Variants in CHCHD6 observed in about 807,000 individuals in gnomAD.
CHCHD6 encodes the protein coiled-coil-helix-coiled-coil-helix domain containing 6, also known as MICOS complex subunit MIC25.
A neutral mutation model predicts 32.3 loss-of-function variants in CHCHD6; 28 were observed. The observed-to-expected ratio is 0.87, with a 90% CI of 0.64 to 1.19. The LOEUF (loss-of-function observed/expected upper bound fraction) is 1.19, where lower values mean the gene tolerates loss of function less well. Among genes scored for constraint, CHCHD6 ranks in the 50% most tolerant of loss-of-function variants. The pLI is 0.00. For synonymous variants in CHCHD6, 122 were observed against 117.5 expected (o/e 1.04, Z -0.25); for missense variants, 333 against 307.0 (o/e 1.08, Z -0.63).
intron 4 of CHCHD6, among the ~76,000 whole-genome samples, chr3:126,753,461 A>C (rs902981556): frequency 1.3e-5 from 2 of 152,218 alleles, no homozygotes; most frequent in African/African-American, 2.4e-5. Context: ...GCCCGCCTGC[A>C]TGCCTGCCAT....
chr3:126,846,400 T>C (rs1941297623), intron 4 of CHCHD6, among the ~76,000 whole-genome samples: 1 of 152,212 alleles, frequency 6.6e-6, no homozygotes, highest in Non-Finnish European at 1.5e-5. Flanking sequence ...GAGGTGGCCA[T>C]AGGAGGCTTT....
intron 4 of CHCHD6, among the ~76,000 whole-genome samples, chr3:126,785,677 A>C (rs1277621800): frequency 6.6e-6 from 1 of 152,250 alleles, no homozygotes; most frequent in Non-Finnish European, 1.5e-5. Context: ...ACCATGTTTT[A>C]CAGCCGTATC....
At chr3:126,897,381 G>T (rs1305799214) in intron 5 of CHCHD6, among the ~76,000 whole-genome samples, 1 of 152,188 alleles carries the variant, frequency 6.6e-6, no homozygotes, top group Non-Finnish European at 1.5e-5. Context: ...TGATGCTGTG[G>T]GTTAATGTGC....
intron 4 of CHCHD6, among the ~76,000 whole-genome samples, chr3:126,747,658 A>G (rs1459867635): frequency 5.3e-5 from 8 of 152,148 alleles, no homozygotes; most frequent in Admixed American, 5.2e-4. Flanking sequence ...CTTGGATTTC[A>G]TCATGACTCA....
At chr3:126,761,061 G>A (rs899769662) in intron 4 of CHCHD6, among the ~76,000 whole-genome samples, 8 of 152,128 alleles carry the variant, frequency 5.3e-5, no homozygotes, top group African/African-American at 1.7e-4. Context: ...TCAACCTCCT[G>A]GCAAGCGATC....
chr3:126,946,670 A>T (rs2078644241), intron 6 of CHCHD6, among the ~76,000 whole-genome samples: 1 of 152,194 alleles, frequency 6.6e-6, no homozygotes, highest in Admixed American at 6.5e-5. Flanking sequence ...CGTCAATAGC[A>T]GTCAGTTAAC....
chr3:126,944,450 C>T (rs541933741), intron 6 of CHCHD6, among the ~76,000 whole-genome samples: 4 of 152,220 alleles, frequency 2.6e-5, no homozygotes, highest in Non-Finnish European at 5.9e-5. Context: ...ACCTTACAGC[C>T]GAGGTAATAA....
intron 4 of CHCHD6, among the ~76,000 whole-genome samples, chr3:126,743,389 G>T (rs1936359472): frequency 6.6e-6 from 1 of 152,144 alleles, no homozygotes. Flanking sequence ...CTCTGGCTAT[G>T]GTGCCTGGCT....
Position 126,825,347 on chromosome 3 carries a change from G to A in CHCHD6, c.412-27300G>A, listed in dbSNP as rs560012969. Among the ~76,000 whole-genome samples the A allele has an allele frequency of 7.2e-5, 11 of 152,166 alleles. No individual in the cohort carries two copies. The East Asian group carries it at 2.1e-3, about 29-fold the overall frequency. On this transcript the variant is annotated intron_variant, in intron 4 of 7. Transcript: ENST00000290913. ...TAAGGCCTTGTATATGCTCTGTTCT[G>A]GAAAATGTTCCATTGCGCTTGAAAG...
At chr3:126,713,173 A>T (rs937674505) in intron 1 of CHCHD6, among the ~76,000 whole-genome samples, 9 of 152,118 alleles carry the variant, frequency 5.9e-5, no homozygotes, top group African/African-American at 1.4e-4. Flanking sequence ...TATTTTTTTT[A>T]AAAAACGCAA....
chr3:126,938,725 T>C (rs1204141071), intron 6 of CHCHD6, among the ~76,000 whole-genome samples: 2 of 151,938 alleles, frequency 1.3e-5, no homozygotes, highest in Non-Finnish European at 2.9e-5. Context: ...CAGTGATTCA[T>C]AGCAGGAAAG....
At chr3:126,888,833 G>T (rs2077713945) in intron 5 of CHCHD6, among the ~76,000 whole-genome samples, 1 of 152,166 alleles carries the variant, frequency 6.6e-6, no homozygotes, top group Admixed American at 6.5e-5. Flanking sequence ...TGAGAGTGAG[G>T]AGCTGACCAT....
chr3:126,868,833 G>A (rs1194586148), intron 5 of CHCHD6, among the ~76,000 whole-genome samples: 1 of 152,102 alleles, frequency 6.6e-6, no homozygotes, highest in East Asian at 1.9e-4. Context: ...GCCTAAACTT[G>A]TTTTCTTAAG....
At chr3:126,920,649 G>A (rs1576604313) in intron 6 of CHCHD6, among the ~76,000 whole-genome samples, 1 of 152,174 alleles carries the variant, frequency 6.6e-6, no homozygotes, top group East Asian at 1.9e-4. Flanking sequence ...CTGCTTTGTA[G>A]CTCCCTTCTC....
chr3:126,869,798 T>C (rs2077440922), intron 5 of CHCHD6, among the ~76,000 whole-genome samples: 3 of 152,218 alleles, frequency 2.0e-5, no homozygotes, highest in Non-Finnish European at 4.4e-5. Context: ...AGCTCCCCCT[T>C]CCCTATTTTT....
chr3:126,800,358 A>G (rs1348406906), intron 4 of CHCHD6, among the ~76,000 whole-genome samples: 1 of 152,164 alleles, frequency 6.6e-6, no homozygotes, highest in Non-Finnish European at 1.5e-5. Flanking sequence ...ACAGCTGGAA[A>G]AGAGGTGGAT....
intron 6 of CHCHD6, among the ~76,000 whole-genome samples, chr3:126,931,520 C>T (rs1004118347): frequency 4.6e-5 from 7 of 152,142 alleles, no homozygotes; most frequent in Non-Finnish European, 8.8e-5. Flanking sequence ...TGTGGCCCTG[C>T]GACTGACACG....
chr3:126,927,447 T>G (rs897605893), intron 6 of CHCHD6, among the ~76,000 whole-genome samples: 1 of 152,142 alleles, frequency 6.6e-6, no homozygotes, highest in Non-Finnish European at 1.5e-5. Flanking sequence ...TCCAGCCAGC[T>G]CTGAAAGTGG....
At chr3:126,875,733 C>T (rs374433739) in intron 5 of CHCHD6, among the ~76,000 whole-genome samples, 13 of 152,166 alleles carry the variant, frequency 8.5e-5, no homozygotes, top group Middle Eastern at 3.2e-3. Flanking sequence ...AAGGTATTTT[C>T]GCAGTTTATG....
Sources: gnomAD v4.1 joint callset for allele counts (sites outside exome capture counted in the v4.1 genomes callset) on GRCh38, gnomAD v4.1.1 for gene constraint, MANE v1.5 for transcripts, NCBI Gene and HGNC (gene_info 2026-07-23, HGNC 2026-07-21) for gene names.